PBDC1: variants seen among roughly 807,000 people sequenced by gnomAD.
The protein encoded by PBDC1 is protein PBDC1.
Under a neutral mutation model 12.0 loss-of-function variants are expected in PBDC1, and 3 were observed. That is an observed-to-expected ratio of 0.25 (90% CI 0.11 to 0.64). PBDC1 has a LOEUF of 0.64. PBDC1 is among the 30% of genes least tolerant of loss of function. The pLI, the probability that PBDC1 is intolerant of heterozygous loss-of-function variation, is 0.84. For missense variants in PBDC1, 162 were observed against 168.1 expected (o/e 0.96, Z 0.20); for synonymous variants, 64 against 56.4 (o/e 1.13, Z -0.60).
chrX:76,173,811 G>A (rs1466977362), intron 2 of PBDC1, among the ~76,000 whole-genome samples, 161 bp downstream of exon 2: 1 of 111,722 alleles, frequency 9.0e-6, no homozygotes, highest in Non-Finnish European at 1.9e-5. Flanking sequence ...TTTAATCTTG[G>A]TCCACAAACG....
intron 4 of PBDC1, among the ~76,000 whole-genome samples, chrX:76,176,338 A>G (rs1924792129): frequency 1.8e-5 from 2 of 110,572 alleles, no homozygotes; most frequent in South Asian, 7.7e-4. Flanking sequence ...TATTTTTGGT[A>G]GAGACAGGGT....
chrX:76,175,420 G>A, intron 3 of PBDC1, 53 bp from the exon 4 acceptor site: 1 of 1,136,425 alleles, frequency 8.8e-7, no homozygotes, highest in African/African-American at 1.8e-5. Flanking sequence ...GGGGAAGATA[G>A]AAGTATAGTA....
intron 2 of PBDC1, among the ~76,000 whole-genome samples, chrX:76,174,255 C>T (rs5981411): frequency 0.59 from 64,358 of 110,007 alleles, 16,584 homozygotes; most frequent in Non-Finnish European, 0.81. Context: ...CATGGATTGG[C>T]ACGTGGGAAA....
Position 76,178,046 on chromosome X carries a change from C to CT in PBDC1, c.*139dup. On this transcript the variant is annotated 3_prime_UTR_variant, in exon 6 of 6. Coordinates refer to ENST00000373358, the MANE Select transcript of PBDC1 (RefSeq NM_016500.5). ...ATACGCAGAAGGACATCTTTCTAGT[C>CT]TAACAGTCAGGAGCTGCTCTGGTCA... 1 of 1,092,924 alleles carries CT rather than the reference C, an allele frequency of 9.1e-7. No individual in the cohort carries two copies. Among genetic ancestry groups the CT allele is most frequent in the Non-Finnish European group, 1.2e-6 (1 of 819,064 alleles). The allele number at this position is 1,092,924 out of a possible 1,213,427, so 90.1% of individuals were successfully genotyped here.
In PBDC1 at chrX:76,173,636, T is replaced by C. The variant is rs782792916; in HGVS notation, c.82T>C (p.Ser28Pro). ...VAHALSLPAE[S>P]YGNDPDIEMA... ...ACATGCGCTTTCTCTCCCAGCAGAGTCGTATGGCAACGATGTGAGTATGAC... is the reference window on the plus strand; with the variant it reads ...ACATGCGCTTTCTCTCCCAGCAGAGCCGTATGGCAACGATGTGAGTATGAC... Residue 28 changes from serine to proline, a missense_variant, in exon 2 of 6, where the codon TCG (serine) becomes CCG (proline). Physicochemically the swap from Ser to Pro is moderately conservative, Grantham distance 74. This residue lies in a region of PBDC1 where 41 missense variants were observed against 28.5 expected (regional missense o/e 1.44). Transcript: ENST00000373358. 8.4e-7 allele frequency: 1 copy of C among 1,186,309 alleles called. No individual in the cohort carries two copies. Among genetic ancestry groups the C allele is most frequent in the Admixed American group, 2.3e-5 (1 of 44,094 alleles).
In PBDC1 at chrX:76,175,556, G is replaced by A. The variant is rs200840695; in HGVS notation, c.240G>A (p.Glu80=). The A allele has an allele frequency of 8.1e-5, 98 of 1,206,745 alleles. No homozygotes were observed. The highest frequency in any genetic ancestry group is 1.1e-4 in the Non-Finnish European group (97 of 892,244). The part of the protein sequence containing the change: ...QIYSEFRKNF[E]TLRIDVLDPE... ...ACTCTGAGTTCCGGAAAAATTTTGA[G>A]ACCCTTAGGATAGATGTGTTGGACC... Residue 80 remains glutamate (E), a synonymous_variant, in exon 4 of 6, where the codon GAG becomes GAA. Coordinates refer to ENST00000373358, the MANE Select transcript of PBDC1 (RefSeq NM_016500.5).
chrX:76,177,095 T>G, intron 5 of PBDC1, 103 bp downstream of exon 5: 1 of 485,931 alleles, frequency 2.1e-6, no homozygotes. Context: ...TTATCTTGTT[T>G]CATCTTTAAA....
At position 76,173,107 on chromosome X, in the gene PBDC1, G is replaced by A. The variant is rs372731663; in HGVS notation, c.-32G>A. ...ATCCGGCTCAGCTTTCCAATCAGCT[G>A]CGGAAGGAGCCACGCTTTCGGGGGT... On this transcript the variant is annotated 5_prime_UTR_variant, in exon 1 of 6. Transcript: ENST00000373358. The A allele has an allele frequency of 1.7e-6, 2 of 1,169,585 alleles. No individual in the cohort carries two copies. Among genetic ancestry groups the A allele is most frequent in the African/African-American group, 3.6e-5 (2 of 56,085 alleles).
chrX:76,176,825 C>T (rs1477850132), intron 4 of PBDC1, 56 bp from the exon 5 acceptor site: 1 of 777,345 alleles, frequency 1.3e-6, no homozygotes, highest in African/African-American at 2.1e-5. Flanking sequence ...CTCTCCTGGC[C>T]TTAGTACGTC....
At chrX:76,176,623 AAAT>A (rs1556796981) in intron 4 of PBDC1, among the ~76,000 whole-genome samples, 1 of 112,239 alleles carries the variant, frequency 8.9e-6, no homozygotes, top group East Asian at 2.8e-4. Context: ...TTGACTTAAG[AAAT>A]AATATTTTAA....
rs1206486762 is a variant in PBDC1 at position 76,178,198 on chromosome X, T to C, written c.*290T>C. 2.8e-6 allele frequency: 1 copy of C among 357,811 alleles called. No homozygotes were observed. Among genetic ancestry groups the C allele is most frequent in the African/African-American group, 2.6e-5 (1 of 38,155 alleles). The allele number at this position is 357,811 out of a possible 1,213,427, so 29.5% of individuals were successfully genotyped here. On this transcript the variant is annotated 3_prime_UTR_variant, in exon 6 of 6. Coordinates refer to ENST00000373358, the MANE Select transcript of PBDC1 (RefSeq NM_016500.5). The stretch of plus-strand genomic sequence containing the variant: ...GTAAATAAATTTCTTTTGGTTCTTA[T>C]TATCTATATCTGTGACTGACTTTAA...
chrX:76,178,235 A>C lies in PBDC1; in HGVS notation c.*327A>C. Reference sequence around the variant, plus strand: ...GTGACTGACTTTAAAAAGGTATTTGACACTTGAAATTTTTTTCAAATATGT... The same window carrying C: ...GTGACTGACTTTAAAAAGGTATTTGCCACTTGAAATTTTTTTCAAATATGT... On this transcript the variant is annotated 3_prime_UTR_variant, in exon 6 of 6. Coordinates refer to ENST00000373358, the MANE Select transcript of PBDC1 (RefSeq NM_016500.5). The C allele has an allele frequency of 3.3e-6, 1 of 301,602 alleles. No homozygotes were observed. The allele number at this position is 301,602 out of a possible 1,213,427, so 24.9% of individuals were successfully genotyped here.
intron 1 of PBDC1, 58 bp downstream of exon 1, chrX:76,173,226 T>A: frequency 9.6e-7 from 1 of 1,038,960 alleles, no homozygotes; most frequent in Non-Finnish European, 1.3e-6. Flanking sequence ...GGAGCCTTTT[T>A]TTTTTCTTTT....
chrX:76,176,792 C>A, intron 4 of PBDC1, 89 bp from the exon 5 acceptor site: 1 of 572,986 alleles, frequency 1.7e-6, no homozygotes, highest in Non-Finnish European at 3.0e-6. Flanking sequence ...TGATTATTTT[C>A]CTTACTGGGA....
At position 76,178,109 on chromosome X, in the gene PBDC1, G is replaced by T. The variant is rs191283808; in HGVS notation, c.*201G>T. 3.8e-5 allele frequency: 24 copies of T among 624,682 alleles called. No individual in the cohort carries two copies. In the African/African-American group the frequency reaches 5.0e-4, roughly 13 times the overall value. 51.5% of individuals were successfully genotyped at this position (624,682 alleles called of 1,213,427 possible). On this transcript the variant is annotated 3_prime_UTR_variant, in exon 6 of 6. Transcript: ENST00000373358. Reference sequence around the variant, plus strand: ...AACTGGTCTAAAGACTGTTAGTGGGGTGTTAGTTGATTTTTCCTGGTATAC... The same window carrying T: ...AACTGGTCTAAAGACTGTTAGTGGGTTGTTAGTTGATTTTTCCTGGTATAC...
At chrX:76,173,213 G>A (rs782586249) in intron 1 of PBDC1, 45 bp downstream of exon 1, 13 of 1,084,973 alleles carry the variant, frequency 1.2e-5, no homozygotes, top group Admixed American at 3.5e-5. Context: ...GGTCGAGCCA[G>A]GTGGAGCCTT....
intron 5 of PBDC1, 57 bp downstream of exon 5, chrX:76,177,049 T>C: frequency 6.6e-6 from 5 of 763,085 alleles, no homozygotes; most frequent in African/African-American, 2.0e-5. Context: ...AGTCTGGCTT[T>C]ACTGATGAAT....
In PBDC1 at chrX:76,175,408, A is replaced by T. The variant is rs997425951; in HGVS notation, c.157-65A>T. ...GAACCATAAAGGTTTTCTGGTGGGG[A>T]TGGGGAAGATAGAAGTATAGTAAAT... is the stretch of plus-strand genomic sequence containing the variant. On this transcript the variant is annotated intron_variant, in intron 3 of 5. Coordinates refer to ENST00000373358, the MANE Select transcript of PBDC1 (RefSeq NM_016500.5). 1.3e-4 allele frequency: 137 copies of T among 1,058,877 alleles called. 1 individual carries two copies. In the Admixed American group the frequency reaches 3.1e-3, roughly 24 times the overall value. The allele number at this position is 1,058,877 out of a possible 1,213,427, so 87.3% of individuals were successfully genotyped here. A position where few individuals can be genotyped will look rare whatever the true frequency, so the allele number is the denominator to read the frequency against.
In PBDC1 at chrX:76,173,158, C is replaced by G. The variant is rs1299828774; in HGVS notation, c.20C>G (p.Thr7Ser). ...TGCAAGATGGCGGCCACCAGTGGAACTGATGAGCCGGTGAGACGCTGTTCT... is the reference window on the plus strand; with the variant it reads ...TGCAAGATGGCGGCCACCAGTGGAAGTGATGAGCCGGTGAGACGCTGTTCT... MAATSG[T>S]DEPVSGELVS... Residue 7 changes from threonine (T) to serine (S), a missense_variant, in exon 1 of 6, where the codon ACT becomes AGT. Thr to Ser is a moderately conservative substitution (Grantham distance 58, BLOSUM62 1). Transcript: ENST00000373358. 11 of 1,176,147 alleles carry G rather than the reference C, an allele frequency of 9.4e-6. No homozygotes were observed. The highest frequency in any genetic ancestry group is 1.3e-5 in the Non-Finnish European group (11 of 877,881).
Sources: gnomAD v4.1 joint callset for allele counts (sites outside exome capture counted in the v4.1 genomes callset) on GRCh38, gnomAD v4.1.1 for gene constraint, gnomAD v4.1.1 regional missense constraint, MANE v1.5 for transcripts, NCBI Gene and HGNC (gene_info 2026-07-23, HGNC 2026-07-21) for gene names.